PRPF6: variants seen among roughly 807,000 people sequenced by gnomAD.
PRPF6 encodes pre-mRNA-processing factor 6.
In PRPF6, 42 loss-of-function variants were observed where a neutral mutation model predicts 118.3. The ratio of observed to expected loss-of-function variants is 0.35; its 90% confidence interval spans 0.28 to 0.46. The LOEUF (loss-of-function observed/expected upper bound fraction) is 0.46. Among genes scored for constraint, PRPF6 ranks in the 20% least tolerant of loss-of-function variants. The probability of loss-of-function intolerance (pLI) is 1.00; values close to 1 mark genes in which losing one functional copy is unlikely to be tolerated. For synonymous variants in PRPF6, 481 were observed against 485.1 expected, an observed-to-expected ratio of 0.99 and a Z score of 0.11; for missense variants, 662 against 1,255.7, an observed-to-expected ratio of 0.53 and a Z score of 7.15.
chr20:63,999,848 T>C, intron 8 of PRPF6, 89 bp downstream of exon 8: 2 of 1,509,330 alleles, frequency 1.3e-6, no homozygotes, highest in Non-Finnish European at 1.8e-6. Context: ...TCTCTTTGTC[T>C]TTTGGTATTG....
rs887017297 is a variant in PRPF6, at chr20:64,029,630, C to A, written c.2546+139C>A. ...TCCCCGATCCTCGGCTGCCGTCGCTCCTGCTGTGGTCTGGGGCAGGCGCCT... is the reference window on the plus strand; with the variant it reads ...TCCCCGATCCTCGGCTGCCGTCGCTACTGCTGTGGTCTGGGGCAGGCGCCT... On this transcript the variant is annotated intron_variant, in intron 19 of 20. Coordinates refer to ENST00000266079, the MANE Select transcript of PRPF6 (RefSeq NM_012469.4). This position sits in a 1 kb window ranked among gnomAD's most constrained non-coding sequence, Gnocchi z 4.8. 1.0e-5 allele frequency: 8 copies of A among 766,548 alleles called. No homozygotes were observed. Among genetic ancestry groups the A allele is most frequent in the East Asian group, 2.7e-5 (1 of 37,272 alleles). The allele number at this position is 766,548 out of a possible 1,614,324, so 47.5% of individuals were successfully genotyped here. A position where few individuals can be genotyped will look rare whatever the true frequency, so the allele number is the denominator to read the frequency against.
chr20:64,009,493 C>T (rs543113471), intron 9 of PRPF6, among the ~76,000 whole-genome samples: 65 of 152,156 alleles, frequency 4.3e-4, no homozygotes, highest in African/African-American at 1.4e-3. Flanking sequence ...GAAGCCGAAG[C>T]GGGCGGATCA....
chr20:63,984,187 G>A (rs1021820000), intron 2 of PRPF6, among the ~76,000 whole-genome samples: 10 of 152,216 alleles, frequency 6.6e-5, no homozygotes, highest in South Asian at 6.2e-4. Context: ...TTTGGAGGCC[G>A]AGGTGGGCGG....
intron 1 of PRPF6, 145 bp from the exon 2 acceptor site, chr20:63,982,902 G>C: frequency 1.1e-6 from 1 of 949,262 alleles, no homozygotes; most frequent in South Asian, 1.5e-5. Context: ...AGAAGTGTTT[G>C]AGACTGCAGT....
chr20:63,999,315 T>C (rs1369944364), intron 7 of PRPF6, among the ~76,000 whole-genome samples, 176 bp downstream of exon 7: 1 of 151,134 alleles, frequency 6.6e-6, no homozygotes, highest in Non-Finnish European at 1.5e-5. Flanking sequence ...TTGCGTACAC[T>C]CAATGTGTTA....
intron 13 of PRPF6, 144 bp from the exon 14 acceptor site, chr20:64,024,411 C>A: frequency 1.9e-6 from 2 of 1,060,630 alleles, no homozygotes; most frequent in East Asian, 5.0e-5. Context: ...CACACTCTCC[C>A]CATTGTAAAA....
intron 6 of PRPF6, among the ~76,000 whole-genome samples, chr20:63,996,884 G>A (rs535923308): frequency 2.0e-5 from 3 of 152,216 alleles, no homozygotes; most frequent in East Asian, 1.9e-4. Flanking sequence ...AGCTATGATC[G>A]CGCCTCTGCA....
intron 11 of PRPF6, among the ~76,000 whole-genome samples, chr20:64,014,050 G>C (rs2059227003): frequency 6.6e-6 from 1 of 151,758 alleles, no homozygotes; most frequent in Admixed American, 6.6e-5. Context: ...CAATTCTCCT[G>C]CCTCAGCCTC....
intron 19 of PRPF6, among the ~76,000 whole-genome samples, chr20:64,030,784 G>GA (rs1355335798): frequency 6.6e-6 from 1 of 152,224 alleles, no homozygotes; most frequent in Non-Finnish European, 1.5e-5. Context: ...GGGCAATTAA[G>GA]AATACCACAA....
chr20:64,019,549 C>T (rs2059253808), intron 12 of PRPF6, among the ~76,000 whole-genome samples: 1 of 152,202 alleles, frequency 6.6e-6, no homozygotes, highest in Non-Finnish European at 1.5e-5. Flanking sequence ...CTGGGCACAG[C>T]ATCACTTGAT....
rs183661804 is a variant in PRPF6, at chr20:64,025,386, C to T, written c.1909-553C>T. Among the ~76,000 whole-genome samples the T allele has an allele frequency of 7.2e-4, 109 of 152,308 alleles. No individual in the cohort carries two copies. In the South Asian group the frequency reaches 9.1e-3, roughly 13 times the overall value. ...GACGCATTCAGACAGCCCTGGGCAC[C>T]GGGCTGGGGAGGCTTTGAGGGCAGA... On this transcript the variant is annotated intron_variant, in intron 14 of 20. Coordinates refer to ENST00000266079, the MANE Select transcript of PRPF6 (RefSeq NM_012469.4).
chr20:64,029,966 G>C lies in PRPF6; in HGVS notation c.2546+475G>C, dbSNP rs1324698135. 6.6e-6 allele frequency among the ~76,000 whole-genome samples: 1 copy of C among 152,160 alleles called. No individual in the cohort carries two copies. Among genetic ancestry groups the C allele is most frequent in the Admixed American group, 6.5e-5 (1 of 15,282 alleles). ...TGGCCGCCGGGTCAGAGACTCACTG[G>C]GGACGCGTGTGATTCACACTGGTGC... On this transcript the variant is annotated intron_variant, in intron 19 of 20. Transcript: ENST00000266079. The surrounding 1 kb of genome is among the most constrained non-coding windows in gnomAD (Gnocchi z 4.8).
chr20:63,983,685 G>A lies in PRPF6; in HGVS notation c.240+470G>A, dbSNP rs539341349. On this transcript the variant is annotated intron_variant, in intron 2 of 20. Transcript: ENST00000266079. ...TTTTTTTTTTTTGAGACGGACTTTC[G>A]CTCTTGTTGGCCAGGCTGGAGTGCA... Among the ~76,000 whole-genome samples the A allele has an allele frequency of 1.6e-4, 21 of 135,310 alleles. No homozygotes were observed. In the South Asian group the frequency reaches 4.7e-3, roughly 30 times the overall value. 88.8% of individuals were successfully genotyped at this position (135,310 alleles called of 152,430 possible). A position where few individuals can be genotyped will look rare whatever the true frequency, so the allele number is the denominator to read the frequency against.
chr20:63,985,974 C>T (rs2059091413), intron 3 of PRPF6, among the ~76,000 whole-genome samples: 1 of 152,264 alleles, frequency 6.6e-6, no homozygotes, highest in Admixed American at 6.5e-5. Flanking sequence ...AGGTCAGTAT[C>T]CCTGATGAAC....
chr20:63,987,787 C>T (rs930928863), intron 3 of PRPF6, among the ~76,000 whole-genome samples: 43 of 152,302 alleles, frequency 2.8e-4, no homozygotes, highest in Admixed American at 2.5e-3. Flanking sequence ...GTGGCTCACA[C>T]CTGTAATCCC....
intron 6 of PRPF6, among the ~76,000 whole-genome samples, chr20:63,998,063 C>T (rs1054331675): frequency 2.0e-5 from 3 of 151,892 alleles, no homozygotes; most frequent in Non-Finnish European, 4.4e-5. Context: ...TGTCAGAGAC[C>T]CTGCTTTCTA....
chr20:64,014,696 C>T (rs747152005), intron 11 of PRPF6, among the ~76,000 whole-genome samples: 31 of 151,424 alleles, frequency 2.0e-4, no homozygotes, highest in Non-Finnish European at 3.4e-4. Context: ...AAATAAAATG[C>T]GTGTGATACA....
intron 12 of PRPF6, among the ~76,000 whole-genome samples, chr20:64,021,693 T>G (rs1479527238): frequency 6.7e-6 from 1 of 150,292 alleles, no homozygotes; most frequent in Non-Finnish European, 1.5e-5. Context: ...TGCGTGTGTG[T>G]GCACGTATGC....
chr20:63,984,438 T>C lies in PRPF6; in HGVS notation c.241-469T>C, dbSNP rs1004207603. 4.1e-4 allele frequency among the ~76,000 whole-genome samples: 62 copies of C among 151,638 alleles called. 1 individual carries two copies. Among genetic ancestry groups the C allele is most frequent in the Non-Finnish European group, 1.0e-4 (7 of 67,898 alleles). On this transcript the variant is annotated intron_variant, in intron 2 of 20. Transcript: ENST00000266079. Reference sequence around the variant, plus strand: ...TCTGTCTCAGAAAAAAAAAAAAAATTAGTTTTGAAATAATTTTAAATTTGC... The same window carrying C: ...TCTGTCTCAGAAAAAAAAAAAAAATCAGTTTTGAAATAATTTTAAATTTGC...
Sources: allele counts gnomAD v4.1 joint callset (sites outside exome capture counted in the v4.1 genomes callset), GRCh38; gene constraint gnomAD v4.1.1; non-coding constraint Gnocchi (gnomAD v3.1); transcripts MANE v1.5; gene names NCBI Gene and HGNC (gene_info 2026-07-23, HGNC 2026-07-21).